The following USH2A variants were observed in gnomAD, a reference collection of about 807,000 sequenced individuals.
USH2A encodes Usher syndrome 2A (autosomal recessive, mild).
In USH2A, 443 loss-of-function variants were observed where a neutral mutation model predicts 538.9. That is an observed-to-expected ratio of 0.82 (90% confidence interval 0.76 to 0.89). The LOEUF (loss-of-function observed/expected upper bound fraction) is 0.89. Ranked by LOEUF, USH2A falls within the 40% of genes least tolerant of loss-of-function variation. USH2A has a pLI of 0.00. For missense variants in USH2A, 6,633 were observed against 6,324.8 expected (o/e 1.05, Z -1.65); for synonymous variants, 2,413 against 2,273.5 (o/e 1.06, Z -1.75).
chr1:215,815,406 A>ATT (rs5780858), intron 48 of USH2A, among the ~76,000 whole-genome samples: 2 of 146,442 alleles, frequency 1.4e-5, no homozygotes, highest in Admixed American at 6.9e-5. Context: ...GACCCGTATG[A>ATT]TTTTTTTTTT....
In USH2A at chr1:215,729,551, T is replaced by A. The variant is rs189353041; in HGVS notation, c.11712-1167A>T. 2.6e-5 allele frequency among the ~76,000 whole-genome samples: 4 copies of A among 152,276 alleles called. No individual in the cohort carries two copies. In the East Asian group the frequency reaches 7.7e-4, roughly 29 times the overall value. On this transcript the variant is annotated intron_variant, in intron 60 of 71. Coordinates refer to ENST00000307340, the MANE Select transcript of USH2A (RefSeq NM_206933.4). ...TTACCTAAAGGAATAGGTAGCTGAG[T>A]AGAGAAGATGGAGCTATGTGCAGAT...
chr1:215,669,690 A>G (rs1050718580), intron 64 of USH2A, among the ~76,000 whole-genome samples: 1 of 152,210 alleles, frequency 6.6e-6, no homozygotes, highest in Non-Finnish European at 1.5e-5. Flanking sequence ...AGATTTTTAG[A>G]CTTGGAATTG....
At chr1:216,056,485 G>T (rs1396606084) in intron 30 of USH2A, among the ~76,000 whole-genome samples, 6 of 152,124 alleles carry the variant, frequency 3.9e-5, no homozygotes, top group African/African-American at 1.2e-4. Context: ...GCCAATATTA[G>T]AACCTGTATT....
chr1:216,099,253 G>T (rs1442776715), intron 21 of USH2A, among the ~76,000 whole-genome samples: 1 of 151,638 alleles, frequency 6.6e-6, no homozygotes, highest in East Asian at 1.9e-4. Flanking sequence ...TCTTACTCTG[G>T]CCTGCTTGAA....
chr1:215,726,343 T>C (rs1049198068), intron 61 of USH2A, among the ~76,000 whole-genome samples: 1 of 152,152 alleles, frequency 6.6e-6, no homozygotes, highest in East Asian at 1.9e-4. Flanking sequence ...TAATTTACTA[T>C]CTAATAAAAA....
intron 58 of USH2A, among the ~76,000 whole-genome samples, chr1:215,746,297 C>T (rs955623615): frequency 2.0e-5 from 3 of 152,000 alleles, no homozygotes. Flanking sequence ...ACGGAATGGT[C>T]TTGAGCTGCC....
chr1:216,026,481 G>A (rs1668967603), intron 32 of USH2A, among the ~76,000 whole-genome samples: 1 of 152,104 alleles, frequency 6.6e-6, no homozygotes, highest in Non-Finnish European at 1.5e-5. Flanking sequence ...TCAAGCATTG[G>A]TACACTTCTG....
At chr1:215,673,228 C>T (rs1330295653) in intron 63 of USH2A, among the ~76,000 whole-genome samples, 6 of 152,170 alleles carry the variant, frequency 3.9e-5, no homozygotes, top group African/African-American at 1.4e-4. Flanking sequence ...TTCATTTCAA[C>T]AGCACTATAT....
In USH2A at chr1:215,892,824, C is replaced by T. The variant is rs1256924508; in HGVS notation, c.7595-3770G>A. Among the ~76,000 whole-genome samples, 3 of 152,174 alleles carry T rather than the reference C, an allele frequency of 2.0e-5. 1 individual carries two copies. Among genetic ancestry groups the T allele is most frequent in the African/African-American group, 7.2e-5 (3 of 41,540 alleles). ...AAGTAACATTATTTAATGAAAGAAA[C>T]CTCTGAAGGCTAAAAGGCTGTTGGA... On this transcript the variant is annotated intron_variant, in intron 40 of 71. Coordinates refer to ENST00000307340, the MANE Select transcript of USH2A (RefSeq NM_206933.4).
chr1:215,990,760 C>CCT (rs1558198198), intron 35 of USH2A, among the ~76,000 whole-genome samples: 2 of 114,582 alleles, frequency 1.7e-5, no homozygotes, highest in Non-Finnish European at 3.4e-5. Context: ...CTTAATTTTC[C>CCT]TTTTTTTTTT....
At chr1:216,328,564 T>C (rs1243835170) in intron 4 of USH2A, among the ~76,000 whole-genome samples, 1 of 152,078 alleles carries the variant, frequency 6.6e-6, no homozygotes, top group African/African-American at 2.4e-5. Context: ...TCCCAATGTG[T>C]TTTTTCTTTT....
intron 9 of USH2A, among the ~76,000 whole-genome samples, chr1:216,316,670 T>TA (rs1485124115): frequency 6.6e-6 from 1 of 152,178 alleles, no homozygotes. Flanking sequence ...TAACTTTTAA[T>TA]AATCGCCATT....
chr1:215,808,546 C>T (rs879869521), intron 49 of USH2A, among the ~76,000 whole-genome samples: 23 of 152,010 alleles, frequency 1.5e-4, no homozygotes, highest in Admixed American at 4.6e-4. Context: ...TTTCATCACC[C>T]CCACAGAACA....
At chr1:215,910,566 T>G (rs531956039) in intron 38 of USH2A, among the ~76,000 whole-genome samples, 102 of 152,068 alleles carry the variant, frequency 6.7e-4, no homozygotes, top group Non-Finnish European at 9.7e-4. Context: ...GTACACATCA[T>G]AAGTACTATA....
At chr1:215,956,776 G>T (rs1189107887) in intron 37 of USH2A, among the ~76,000 whole-genome samples, 2 of 152,184 alleles carry the variant, frequency 1.3e-5, no homozygotes, top group East Asian at 3.8e-4. Context: ...AAGCTGCTGT[G>T]TGAGTGTTGA....
intron 46 of USH2A, among the ~76,000 whole-genome samples, chr1:215,839,173 A>T (rs1459750685): frequency 6.6e-6 from 1 of 152,170 alleles, no homozygotes; most frequent in Non-Finnish European, 1.5e-5. Context: ...AAGGGCCTAC[A>T]TTCTGAGCAT....
chr1:215,954,260 C>T (rs1667003793), intron 37 of USH2A, among the ~76,000 whole-genome samples: 2 of 152,056 alleles, frequency 1.3e-5, no homozygotes, highest in South Asian at 4.1e-4. Context: ...AAGACACATG[C>T]ACACGTATGT....
intron 64 of USH2A, among the ~76,000 whole-genome samples, chr1:215,658,691 C>T (rs571289044): frequency 2.9e-4 from 44 of 152,328 alleles, no homozygotes; most frequent in African/African-American, 1.0e-3. Flanking sequence ...GGGAAACTAT[C>T]ACAAACAACG....
intron 21 of USH2A, among the ~76,000 whole-genome samples, chr1:216,164,239 A>G (rs1160470652): frequency 6.6e-6 from 1 of 152,146 alleles, no homozygotes; most frequent in Non-Finnish European, 1.5e-5. Flanking sequence ...AGAAAGCAAT[A>G]TCAAAGCTTG....
Sources: gnomAD v4.1 joint callset for allele counts (sites outside exome capture counted in the v4.1 genomes callset) on GRCh38, gnomAD v4.1.1 for gene constraint, MANE v1.5 for transcripts, NCBI Gene and HGNC (gene_info 2026-07-23, HGNC 2026-07-21) for gene names.